Variants in ZNF469 observed in about 807,000 individuals in gnomAD.
ZNF469 encodes zinc finger protein 469.
In ZNF469, 1 loss-of-function variant was observed where a neutral mutation model predicts 1.0. The ratio of observed to expected loss-of-function variants is 1.00; its 90% CI spans 0.35 to 4.73. The LOEUF is 4.73. Ranked by LOEUF, ZNF469 falls within the 30% of genes most tolerant of loss-of-function variation. The pLI is 0.16. For missense variants in ZNF469, 6,100 were observed against 5,356.3 expected (o/e 1.14, Z -4.33); for synonymous variants, 2,703 against 2,363.4 (o/e 1.14, Z -4.17).
At chr16:88,276,417 G>A in the ZNF469 span, 1 of 152,160 alleles carries the variant, frequency 6.6e-6, no homozygotes, top group South Asian at 2.1e-4. Context: ...CACCCTACTG[G>A]TTTCCCCAGC....
rs752039388 is a variant in ZNF469 at position 88,424,745 on chromosome 16, G to A, written c.-191-62G>A. Among the ~76,000 whole-genome samples the A allele has an allele frequency of 1.8e-4, 28 of 152,050 alleles. No homozygotes were observed. Among genetic ancestry groups the A allele is most frequent in the African/African-American group, 5.3e-4 (22 of 41,404 alleles). ...GCTCCCTCCCACCTGGCTTCTCCTC[G>A]GGCTCTTGGTCCAGAGCCATGCACC... On this transcript the variant is annotated intron_variant, in intron 1 of 2. Coordinates refer to ENST00000565624, the MANE Select transcript of ZNF469 (RefSeq NM_001367624.2). The surrounding 1 kb of genome is among the most constrained non-coding windows in gnomAD (Gnocchi z 4.3).
chr16:88,254,337 A>T, the ZNF469 span, among the ~76,000 whole-genome samples: 7 of 152,124 alleles, frequency 4.6e-5, no homozygotes, highest in Non-Finnish European at 8.8e-5. Flanking sequence ...CTATGTCTAG[A>T]TTCTCTAATT....
At chr16:88,200,805 C>T in the ZNF469 span, among the ~76,000 whole-genome samples, 2 of 152,268 alleles carry the variant, frequency 1.3e-5, no homozygotes, top group African/African-American at 4.8e-5. Context: ...TGAGTAGCTG[C>T]ATGTGAGCAG....
chr16:88,267,401 G>A, the ZNF469 span, among the ~76,000 whole-genome samples: 4 of 152,320 alleles, frequency 2.6e-5, no homozygotes, highest in South Asian at 8.3e-4. Context: ...GGAGCCCGAC[G>A]CACACCCCTG....
At chr16:88,310,614 G>A in the ZNF469 span, among the ~76,000 whole-genome samples, 5 of 149,450 alleles carry the variant, frequency 3.3e-5, no homozygotes, top group African/African-American at 7.4e-5. Flanking sequence ...ACAGAGTCTC[G>A]CTCTGTTGCC....
chr16:88,307,512 G>A, the ZNF469 span, among the ~76,000 whole-genome samples: 1 of 152,168 alleles, frequency 6.6e-6, no homozygotes, highest in African/African-American at 2.4e-5. Flanking sequence ...ACCTGTTATT[G>A]TCTGTCTTTT....
the ZNF469 span, among the ~76,000 whole-genome samples, chr16:88,185,496 AATAC>A: frequency 6.7e-6 from 1 of 149,696 alleles, no homozygotes; most frequent in African/African-American, 2.5e-5. Context: ...ACATGACTAT[AATAC>A]ATGCACACAT....
chr16:88,305,462 G>A, the ZNF469 span, among the ~76,000 whole-genome samples: 13 of 110,454 alleles, frequency 1.2e-4, no homozygotes, highest in East Asian at 8.2e-4. Context: ...AGACACACAC[G>A]CACACCCTCA....
chr16:88,388,476 G>A (rs892173050), intron 1 of ZNF469, among the ~76,000 whole-genome samples: 5 of 152,364 alleles, frequency 3.3e-5, no homozygotes, highest in South Asian at 4.1e-4. Flanking sequence ...GCATTCCTCC[G>A]GGGCTGCTGG....
the ZNF469 span, among the ~76,000 whole-genome samples, chr16:88,167,587 C>T: frequency 6.6e-5 from 10 of 152,204 alleles, no homozygotes; most frequent in Admixed American, 4.6e-4. Context: ...CCTGCCCTGG[C>T]CCTGGTTAGG....
At chr16:88,208,322 GC>G in the ZNF469 span, among the ~76,000 whole-genome samples, 5 of 150,948 alleles carry the variant, frequency 3.3e-5, no homozygotes, top group African/African-American at 1.2e-4. Flanking sequence ...GTCACGTGCC[GC>G]AATCTGGAAC....
chr16:88,438,163 G>A lies in ZNF469; in HGVS notation c.10693G>A (p.Gly3565Ser), dbSNP rs1906736003. 3.9e-6 allele frequency: 6 copies of A among 1,549,966 alleles called. No homozygotes were observed. The highest frequency in any genetic ancestry group is 4.4e-6 in the Non-Finnish European group (5 of 1,146,834). ...LSPFPAALADGRGDCALDGAL... is the reference protein window; with the variant it reads ...LSPFPAALADSRGDCALDGAL... ...TCCCTTCCCAGCTGCCTTGGCTGAT[G>A]GCAGAGGAGACTGCGCGCTGGACGG... The change falls in exon 3 of 3, where the codon GGC (glycine) becomes AGC (serine). Residue 3565 changes from glycine (G) to serine (S), a missense_variant. Physicochemically the swap from Gly to Ser is moderately conservative, Grantham distance 56. Coordinates refer to ENST00000565624, the MANE Select transcript of ZNF469 (RefSeq NM_001367624.2).
At chr16:88,111,527 C>G in the ZNF469 span, among the ~76,000 whole-genome samples, 1 of 148,696 alleles carries the variant, frequency 6.7e-6, no homozygotes, top group African/African-American at 2.6e-5. Context: ...TAACATCCCC[C>G]CCACTTCCCT....
the ZNF469 span, among the ~76,000 whole-genome samples, chr16:88,260,953 C>G: frequency 2.0e-5 from 3 of 152,184 alleles, no homozygotes; most frequent in Non-Finnish European, 4.4e-5. The surrounding 1 kb of genome is among the most constrained non-coding windows in gnomAD (Gnocchi z 4.1). Context: ...GTGATGCAGC[C>G]ATGACCAAAA....
At position 88,429,826 on chromosome 16, in the gene ZNF469, G is replaced by A. The variant is rs934864447; in HGVS notation, c.2356G>A (p.Ala786Thr). ...PPAAPRVPAD[A>T]HAGLLSHAKT... Reference sequence around the variant, plus strand: ...CGCTGCCCCCAGAGTCCCTGCCGACGCACACGCGGGCTTGCTCAGCCACGC... The same window carrying A: ...CGCTGCCCCCAGAGTCCCTGCCGACACACACGCGGGCTTGCTCAGCCACGC... Residue 786 changes from alanine to threonine, a missense_variant, in exon 3 of 3, where the codon GCA becomes ACA. Physicochemically the swap from Ala to Thr is moderately conservative, Grantham distance 58. Coordinates refer to ENST00000565624, the MANE Select transcript of ZNF469 (RefSeq NM_001367624.2). 6 of 1,546,366 alleles carry A rather than the reference G, an allele frequency of 3.9e-6. No individual in the cohort carries two copies. The highest frequency in any genetic ancestry group is 4.4e-6 in the Non-Finnish European group (5 of 1,144,380).
the ZNF469 span, among the ~76,000 whole-genome samples, chr16:88,213,879 A>C: frequency 6.6e-6 from 1 of 152,230 alleles, no homozygotes; most frequent in African/African-American, 2.4e-5. Flanking sequence ...ATGAGAGCTC[A>C]AGAAATACTT....
At chr16:88,377,375 C>A in the ZNF469 span, among the ~76,000 whole-genome samples, 1 of 152,258 alleles carries the variant, frequency 6.6e-6, no homozygotes, top group South Asian at 2.1e-4. Context: ...GGGCCCGCCA[C>A]CCATGGCAGC....
chr16:88,153,179 C>T, the ZNF469 span, among the ~76,000 whole-genome samples: 1 of 152,226 alleles, frequency 6.6e-6, no homozygotes, highest in South Asian at 2.1e-4. Flanking sequence ...CAATCTCGTT[C>T]TCTCTGCACT....
chr16:88,186,759 T>TA, the ZNF469 span, among the ~76,000 whole-genome samples: 7 of 152,234 alleles, frequency 4.6e-5, no homozygotes, highest in South Asian at 1.5e-3. Flanking sequence ...AAAATGTATG[T>TA]AAAGTAAAAT....
Sources: gnomAD v4.1 joint callset for allele counts (sites outside exome capture counted in the v4.1 genomes callset) on GRCh38, gnomAD v4.1.1 for gene constraint, Gnocchi (gnomAD v3.1) non-coding constraint, MANE v1.5 for transcripts, NCBI Gene and HGNC (gene_info 2026-07-23, HGNC 2026-07-21) for gene names.